CHST9: variants seen among roughly 807,000 people sequenced by gnomAD.
CHST9 encodes the protein GalNAc-4-sulfotransferase 2.
Under a neutral mutation model 44.4 loss-of-function variants are expected in CHST9, and 41 were observed. That is an observed-to-expected ratio of 0.92 (90% confidence interval 0.72 to 1.20). CHST9 has a LOEUF of 1.20. CHST9 is among the 50% of genes most tolerant of loss of function. The pLI is 0.00. For synonymous variants in CHST9, 171 were observed against 178.4 expected (o/e 0.96, Z 0.33); for missense variants, 504 against 516.5 (o/e 0.98, Z 0.23).
chr18:27,184,734 G>A (rs2058942284), intron 1 of CHST9, among the ~76,000 whole-genome samples: 1 of 152,150 alleles, frequency 6.6e-6, no homozygotes, highest in Non-Finnish European at 1.5e-5. Flanking sequence ...TGTTCCTGCC[G>A]TCCTCTTTCC....
At chr18:27,031,346 C>T (rs2057338467) in intron 3 of CHST9, among the ~76,000 whole-genome samples, 1 of 152,118 alleles carries the variant, frequency 6.6e-6, no homozygotes. Context: ...ATTATATGGA[C>T]ACTTCTTCCT....
intron 4 of CHST9, among the ~76,000 whole-genome samples, chr18:26,979,442 A>G (rs1355568349): frequency 6.6e-6 from 1 of 152,172 alleles, no homozygotes; most frequent in Non-Finnish European, 1.5e-5. Flanking sequence ...TGTTTCCCAC[A>G]TAAGGTAAAA....
chr18:27,011,185 A>G (rs1442253827), intron 4 of CHST9, among the ~76,000 whole-genome samples: 1 of 152,262 alleles, frequency 6.6e-6, no homozygotes, highest in East Asian at 1.9e-4. Flanking sequence ...AAGTCAAAAA[A>G]GAATGACAAA....
At chr18:27,015,952 C>T (rs2057148587) in intron 4 of CHST9, among the ~76,000 whole-genome samples, 1 of 152,128 alleles carries the variant, frequency 6.6e-6, no homozygotes, top group South Asian at 2.1e-4. Flanking sequence ...TCAGTATATG[C>T]ATGCACATGT....
At chr18:27,058,746 G>A (rs1386482962) in intron 2 of CHST9, among the ~76,000 whole-genome samples, 1 of 152,124 alleles carries the variant, frequency 6.6e-6, no homozygotes, top group African/African-American at 2.4e-5. Context: ...AGATTTTCCA[G>A]CTCTAGTCAC....
intron 2 of CHST9, among the ~76,000 whole-genome samples, chr18:27,088,748 G>T (rs1254886234): frequency 1.3e-5 from 2 of 152,108 alleles, no homozygotes; most frequent in Non-Finnish European, 2.9e-5. Flanking sequence ...GGATAGACAA[G>T]GACTATCTAC....
chr18:27,092,275 G>A (rs140743440), intron 2 of CHST9, among the ~76,000 whole-genome samples: 10,310 of 152,168 alleles, frequency 0.068, 438 homozygotes, highest in East Asian at 0.14. Context: ...TATTTCTGTG[G>A]GATTGGTGGT....
intron 4 of CHST9, among the ~76,000 whole-genome samples, chr18:26,979,729 C>T (rs184962500): frequency 2.4e-3 from 361 of 152,274 alleles, no homozygotes; most frequent in Middle Eastern, 3.4e-3. Context: ...CAGTGCTTGG[C>T]ATAAACTGCT....
chr18:26,939,162 A>G (rs2056044831), intron 5 of CHST9, among the ~76,000 whole-genome samples: 1 of 152,248 alleles, frequency 6.6e-6, no homozygotes, highest in Admixed American at 6.5e-5. Context: ...AAATATCTAT[A>G]GCAAAAGGGC....
chr18:27,085,236 A>G (rs2058000772), intron 2 of CHST9, among the ~76,000 whole-genome samples: 1 of 152,162 alleles, frequency 6.6e-6, no homozygotes, highest in South Asian at 2.1e-4. Context: ...AATGACTCCA[A>G]AAGTAATGGC....
rs1043253291 is a variant in CHST9, at chr18:27,113,005, T to C, written c.121+29684A>G. Among the ~76,000 whole-genome samples the C allele has an allele frequency of 2.6e-5, 4 of 152,014 alleles. No individual in the cohort carries two copies. The South Asian group carries it at 8.3e-4, about 32-fold the overall frequency. On this transcript the variant is annotated intron_variant, in intron 2 of 5. Transcript: ENST00000618847. The stretch of plus-strand genomic sequence containing the variant: ...GAGATCGAGACTATCCTGGCTAATG[T>C]AGTGAAACCCCGCCTCTACTAAAAA...
chr18:26,943,164 T>C (rs577150572), intron 5 of CHST9, among the ~76,000 whole-genome samples: 16 of 152,230 alleles, frequency 1.1e-4, no homozygotes, highest in African/African-American at 2.9e-4. Context: ...AATGGCCAAA[T>C]GATTTTGCTA....
chr18:27,121,149 C>T (rs1328637920), intron 2 of CHST9, among the ~76,000 whole-genome samples: 1 of 152,078 alleles, frequency 6.6e-6, no homozygotes, highest in Non-Finnish European at 1.5e-5. Flanking sequence ...ACTACAGGCA[C>T]CACACTTGGC....
chr18:27,001,568 G>A (rs958964952), intron 4 of CHST9, among the ~76,000 whole-genome samples: 8 of 152,076 alleles, frequency 5.3e-5, no homozygotes, highest in African/African-American at 1.9e-4. Context: ...GAGGCTAGTT[G>A]GCCTGCCTCT....
intron 4 of CHST9, among the ~76,000 whole-genome samples, chr18:26,980,003 C>A (rs1441687807): frequency 6.6e-6 from 1 of 151,958 alleles, no homozygotes; most frequent in African/African-American, 2.4e-5. Context: ...ATGTATTTTC[C>A]AATTGCTTTT....
rs923958416 is a variant in CHST9 at position 27,122,784 on chromosome 18, T to A, written c.121+19905A>T. Among the ~76,000 whole-genome samples, 4 of 152,182 alleles carry A rather than the reference T, an allele frequency of 2.6e-5. No homozygotes were observed. The South Asian group carries it at 8.3e-4, about 32-fold the overall frequency. ...AATGTGCAGGAGTGCCAAGGTTTAT[T>A]TTGGTTATCATATGAAGAAACACAT... is the stretch of plus-strand genomic sequence containing the variant. On this transcript the variant is annotated intron_variant, in intron 2 of 5. Transcript: ENST00000618847.
rs35598737 is a variant in CHST9 at position 26,914,974 on chromosome 18, C to CT, written c.*1284dup. The CT allele has an allele frequency of 2.8e-5, 11 of 395,906 alleles. No individual in the cohort carries two copies. In the South Asian group the frequency reaches 5.1e-4, roughly 18 times the overall value. The allele number at this position is 395,906 out of a possible 1,614,324, so 24.5% of individuals were successfully genotyped here. A position where few individuals can be genotyped will look rare whatever the true frequency, so the allele number is the denominator to read the frequency against. ...AAATGTTTCCCATCCAAAATGATCC[C>CT]TTTTTTTTTCCCCAAGGGATCTAAT... On this transcript the variant is annotated 3_prime_UTR_variant, in exon 6 of 6. Coordinates refer to ENST00000618847, the MANE Select transcript of CHST9 (RefSeq NM_031422.6).
At chr18:26,941,041 A>G (rs2056074907) in intron 5 of CHST9, among the ~76,000 whole-genome samples, 1 of 152,100 alleles carries the variant, frequency 6.6e-6, no homozygotes, top group Non-Finnish European at 1.5e-5. Context: ...TTTCAGAGAG[A>G]CTATGGCCCT....
At chr18:26,929,806 T>G (rs1303586262) in intron 5 of CHST9, among the ~76,000 whole-genome samples, 2 of 151,990 alleles carry the variant, frequency 1.3e-5, no homozygotes, top group Admixed American at 6.6e-5. Flanking sequence ...AGTAGCAGAA[T>G]AGGAGTCTGA....
Sources: allele counts gnomAD v4.1 joint callset (sites outside exome capture counted in the v4.1 genomes callset), GRCh38; gene constraint gnomAD v4.1.1; transcripts MANE v1.5; gene names NCBI Gene and HGNC (gene_info 2026-07-23, HGNC 2026-07-21).